The following LRMDA variants were observed in gnomAD, a reference collection of about 807,000 sequenced individuals.
The protein encoded by LRMDA is leucine-rich melanocyte differentiation-associated protein.
LRMDA carries 18 observed loss-of-function variants against 29.8 expected under a neutral mutation model. That is an observed-to-expected ratio of 0.60 (90% CI 0.42 to 0.90). The LOEUF (loss-of-function observed/expected upper bound fraction) is 0.90, where lower values mean the gene tolerates loss of function less well. Ranked by LOEUF, LRMDA falls within the 40% of genes least tolerant of loss-of-function variation. LRMDA has a pLI of 0.00. For missense variants in LRMDA, 273 were observed against 273.9 expected, an observed-to-expected ratio of 1.00 and a Z score of 0.02; for synonymous variants, 125 against 109.4, an observed-to-expected ratio of 1.14 and a Z score of -0.89.
intron 2 of LRMDA, among the ~76,000 whole-genome samples, chr10:75,617,880 G>C (rs1374219849): frequency 6.6e-6 from 1 of 152,198 alleles, no homozygotes; most frequent in Non-Finnish European, 1.5e-5. Context: ...TAAGCAGTAG[G>C]AGACCTGGCG....
At chr10:75,902,834 G>C (rs1218668251) in intron 2 of LRMDA, among the ~76,000 whole-genome samples, 1 of 152,144 alleles carries the variant, frequency 6.6e-6, no homozygotes, top group Non-Finnish European at 1.5e-5. Flanking sequence ...TAGAAGAGGG[G>C]ACTGACTCTG....
At chr10:75,554,096 A>G (rs1023010250) in intron 2 of LRMDA, among the ~76,000 whole-genome samples, 39 of 152,180 alleles carry the variant, frequency 2.6e-4, no homozygotes, top group African/African-American at 9.4e-4. Context: ...ACACTTTGAA[A>G]TTAAGTTCAC....
Position 76,324,419 on chromosome 10 carries a change from G to T in LRMDA, c.535G>T (p.Ala179Ser), listed in dbSNP as rs769710472. The T allele has an allele frequency of 1.9e-6, 3 of 1,614,096 alleles. No homozygotes were observed. Among genetic ancestry groups the T allele is most frequent in the South Asian group, 2.2e-5 (2 of 91,064 alleles). ...CACACAGGCTTCTAGTGAGGACGTT[G>T]CCAGCTCCCCGGAGCGCCACTACAC... is the stretch of plus-strand genomic sequence containing the variant. ...VKPKASSEDV[A>S]SSPERHYTPL... Residue 179 changes from alanine (A) to serine (S), a missense_variant, in exon 6 of 7, where the codon GCC becomes TCC. Transcript: ENST00000611255.
intron 2 of LRMDA, among the ~76,000 whole-genome samples, chr10:75,465,088 G>T (rs1166985753): frequency 1.3e-5 from 2 of 152,148 alleles, no homozygotes; most frequent in Non-Finnish European, 2.9e-5. Flanking sequence ...CTCTGCTGTG[G>T]AGGAAACTTT....
chr10:75,735,489 A>T (rs1009745584), intron 2 of LRMDA, among the ~76,000 whole-genome samples: 22 of 152,178 alleles, frequency 1.4e-4, no homozygotes, highest in African/African-American at 5.1e-4. Flanking sequence ...AAAACATCAC[A>T]TTCAGCCTAA....
intron 2 of LRMDA, among the ~76,000 whole-genome samples, chr10:75,712,422 T>A (rs1166647062): frequency 6.9e-5 from 2 of 29,014 alleles, no homozygotes; most frequent in Non-Finnish European, 1.4e-4. Flanking sequence ...AGCAGGGAGG[T>A]GGCAGCGGGC....
At chr10:75,511,172 A>T (rs1845221727) in intron 2 of LRMDA, among the ~76,000 whole-genome samples, 1 of 152,118 alleles carries the variant, frequency 6.6e-6, no homozygotes, top group African/African-American at 2.4e-5. Flanking sequence ...TACAAAACAA[A>T]AACAAAACAA....
intron 5 of LRMDA, among the ~76,000 whole-genome samples, chr10:76,315,066 A>G (rs1479085627): frequency 2.0e-5 from 3 of 152,226 alleles, no homozygotes; most frequent in South Asian, 2.1e-4. Context: ...GATTCAGGCT[A>G]TGGAATCGAG....
At chr10:76,284,541 G>T (rs1840246878) in intron 5 of LRMDA, among the ~76,000 whole-genome samples, 1 of 152,206 alleles carries the variant, frequency 6.6e-6, no homozygotes, top group Non-Finnish European at 1.5e-5. Flanking sequence ...ATGTGAACTT[G>T]TTACAGCAGC....
chr10:76,420,210 C>T (rs1437382870), intron 6 of LRMDA, among the ~76,000 whole-genome samples: 1 of 151,818 alleles, frequency 6.6e-6, no homozygotes, highest in Non-Finnish European at 1.5e-5. Context: ...TGTGGTAAGG[C>T]ATTTAATTAC....
intron 2 of LRMDA, among the ~76,000 whole-genome samples, chr10:76,023,596 TCTAGC>T (rs1486894122): frequency 6.6e-6 from 1 of 152,206 alleles, no homozygotes; most frequent in Admixed American, 6.5e-5. Context: ...TCCAAAATAA[TCTAGC>T]CTAGCCGCCT....
At chr10:75,576,673 T>C (rs7919149) in intron 2 of LRMDA, among the ~76,000 whole-genome samples, 94,726 of 152,070 alleles carry the variant, frequency 0.62, 32,024 homozygotes, top group East Asian at 0.85. Context: ...GCCAGTGGGA[T>C]GAAGCTTCCA....
At chr10:75,591,451 T>TTTCTAACTC (rs1840723509) in intron 2 of LRMDA, among the ~76,000 whole-genome samples, 1 of 152,150 alleles carries the variant, frequency 6.6e-6, no homozygotes, top group Non-Finnish European at 1.5e-5. Flanking sequence ...CAGAGGTGGG[T>TTTCTAACTC]CTTAAGTCCA....
At chr10:76,361,637 TC>T (rs1841314101) in intron 6 of LRMDA, among the ~76,000 whole-genome samples, 1 of 152,124 alleles carries the variant, frequency 6.6e-6, no homozygotes, top group East Asian at 1.9e-4. Context: ...GAAAAATCAT[TC>T]CCCTATTCTA....
At chr10:75,966,227 G>T (rs1053306869) in intron 2 of LRMDA, among the ~76,000 whole-genome samples, 5 of 152,150 alleles carry the variant, frequency 3.3e-5, no homozygotes, top group African/African-American at 1.2e-4. Context: ...GGGAGATGTG[G>T]GTGGACGAGA....
intron 2 of LRMDA, among the ~76,000 whole-genome samples, chr10:75,962,473 G>T (rs973545261): frequency 1.3e-5 from 2 of 152,144 alleles, no homozygotes; most frequent in African/African-American, 4.8e-5. Flanking sequence ...GGTGGTTCTG[G>T]TGCTGACTGA....
intron 2 of LRMDA, among the ~76,000 whole-genome samples, chr10:75,734,977 G>A (rs988430628): frequency 2.6e-5 from 4 of 152,064 alleles, no homozygotes; most frequent in Non-Finnish European, 5.9e-5. Flanking sequence ...TTCCCTTGCC[G>A]CTACCCCTTT....
intron 5 of LRMDA, among the ~76,000 whole-genome samples, chr10:76,267,193 C>A (rs181687765): frequency 2.6e-5 from 4 of 151,840 alleles, no homozygotes; most frequent in African/African-American, 9.7e-5. Context: ...ACTTTATGCA[C>A]ATAATTTTTT....
chr10:75,637,374 A>G (rs1380755168), intron 2 of LRMDA, among the ~76,000 whole-genome samples: 1 of 152,184 alleles, frequency 6.6e-6, no homozygotes, highest in East Asian at 1.9e-4. Context: ...GACAGTACAT[A>G]CATAGAAAAA....
Sources: gnomAD v4.1 joint callset for allele counts (sites outside exome capture counted in the v4.1 genomes callset) on GRCh38, gnomAD v4.1.1 for gene constraint, MANE v1.5 for transcripts, NCBI Gene and HGNC (gene_info 2026-07-23, HGNC 2026-07-21) for gene names.